PCDH10: variants seen among roughly 807,000 people sequenced by gnomAD.
The protein encoded by PCDH10 is protocadherin 10, also known as protocadherin-10.
In PCDH10, 15 loss-of-function variants were observed where a neutral mutation model predicts 74.4. The observed-to-expected ratio is 0.20, with a 90% confidence interval of 0.13 to 0.31. The LOEUF (loss-of-function observed/expected upper bound fraction) is 0.31, where lower values mean the gene tolerates loss of function less well. PCDH10 is among the 10% of genes least tolerant of loss of function. PCDH10 has a pLI of 1.00. For missense variants in PCDH10, 1,260 were observed against 1,390.2 expected (o/e 0.91, Z 1.49); for synonymous variants, 619 against 589.8 (o/e 1.05, Z -0.72).
chr4:133,200,077 C>T (rs1008399376), intron 2 of PCDH10, among the ~76,000 whole-genome samples: 1 of 151,662 alleles, frequency 6.6e-6, no homozygotes, highest in African/African-American at 2.4e-5. Flanking sequence ...GGATTACAGG[C>T]GTGAGCCACC....
chr4:133,202,286 A>G (rs563745866), intron 2 of PCDH10, among the ~76,000 whole-genome samples: 13 of 152,210 alleles, frequency 8.5e-5, no homozygotes, highest in Non-Finnish European at 1.8e-4. Flanking sequence ...CTATGGCAAT[A>G]CCAGGGGTTC....
rs1727651894 is a variant in PCDH10, at chr4:133,190,856, A to G, written c.*696A>G. On this transcript the variant is annotated 3_prime_UTR_variant, in exon 5 of 5. Coordinates refer to ENST00000264360, the MANE Select transcript of PCDH10 (RefSeq NM_032961.3). ...ACATCATACAATAAAATAAAAGGTA[A>G]TTCAGGGTCCCAAAGACAAACTTAC... 4 of 152,054 alleles carry G rather than the reference A, an allele frequency of 2.6e-5. No individual in the cohort carries two copies. 9.4% of individuals were successfully genotyped at this position (152,054 alleles called of 1,614,324 possible). A position where few individuals can be genotyped will look rare whatever the true frequency, so the allele number is the denominator to read the frequency against.
chr4:133,185,514 G>A (rs1727526966), intron 4 of PCDH10, among the ~76,000 whole-genome samples: 1 of 152,138 alleles, frequency 6.6e-6, no homozygotes, highest in Non-Finnish European at 1.5e-5. Context: ...CTTTAAAACT[G>A]TCCTGAAGTG....
chr4:133,186,375 C>A (rs1727541713), intron 4 of PCDH10, among the ~76,000 whole-genome samples: 1 of 152,070 alleles, frequency 6.6e-6, no homozygotes, highest in African/African-American at 2.4e-5. Flanking sequence ...GAAAATAAAA[C>A]CTCCCTATCT....
At chr4:133,176,738 CTTTG>C (rs1272000928) in intron 4 of PCDH10, among the ~76,000 whole-genome samples, 5 of 151,994 alleles carry the variant, frequency 3.3e-5, no homozygotes, top group African/African-American at 9.7e-5. Context: ...AAAGATTAAG[CTTTG>C]TTTGTTTCAT....
chr4:133,155,313 A>G (rs1031732798), intron 3 of PCDH10, among the ~76,000 whole-genome samples: 1 of 152,236 alleles, frequency 6.6e-6, no homozygotes, highest in Non-Finnish European at 1.5e-5. Flanking sequence ...ACAGAAAGAC[A>G]TAGCTCTCTC....
rs1486563434 is a variant in PCDH10 at position 133,194,574 on chromosome 4, T to C, written c.*4414T>C. 6.6e-6 allele frequency: 1 copy of C among 151,966 alleles called. No homozygotes were observed. Among genetic ancestry groups the C allele is most frequent in the Non-Finnish European group, 1.5e-5 (1 of 67,870 alleles). 9.4% of individuals were successfully genotyped at this position (151,966 alleles called of 1,614,324 possible). A position where few individuals can be genotyped will look rare whatever the true frequency, so the allele number is the denominator to read the frequency against. Reference sequence around the variant, plus strand: ...TGTAATAAATTATTTTATACTGCTGTATACATATGAAATAAATAAAACTAG... The same window carrying C: ...TGTAATAAATTATTTTATACTGCTGCATACATATGAAATAAATAAAACTAG... On this transcript the variant is annotated 3_prime_UTR_variant, in exon 5 of 5. Coordinates refer to ENST00000264360, the MANE Select transcript of PCDH10 (RefSeq NM_032961.3).
At chr4:133,166,212 A>G (rs1214408322) in intron 4 of PCDH10, among the ~76,000 whole-genome samples, 1 of 151,582 alleles carries the variant, frequency 6.6e-6, no homozygotes, top group African/African-American at 2.4e-5. Flanking sequence ...ACATGGCCAT[A>G]TATTCAGAAA....
At chr4:133,204,892 G>T (rs539067891) in intron 2 of PCDH10, among the ~76,000 whole-genome samples, 10 of 152,186 alleles carry the variant, frequency 6.6e-5, no homozygotes, top group Non-Finnish European at 1.5e-4. Flanking sequence ...ACTGCATTCT[G>T]CACAGGACCA....
rs138396564 is a variant in PCDH10, at chr4:133,151,694, C to G, written c.1554C>G (p.Ile518Met). 3 of 1,613,442 alleles carry G rather than the reference C, an allele frequency of 1.9e-6. No homozygotes were observed. The highest frequency in any genetic ancestry group is 2.5e-6 in the Non-Finnish European group (3 of 1,180,048). The change falls in exon 1 of 5, where the codon ATC (isoleucine) becomes ATG (methionine). Residue 518 changes from isoleucine to methionine, a missense_variant. Coordinates refer to ENST00000264360, the MANE Select transcript of PCDH10 (RefSeq NM_032961.3). The stretch of plus-strand genomic sequence containing the variant: ...TGAGCGTCTTCACCTACGTTTCTAT[C>G]AACTCTGAGAACGGCTACTTGTACG... ...QGMSVFTYVS[I>M]NSENGYLYAL... is the part of the protein sequence containing the mutation.
chr4:133,150,912 T>A lies in PCDH10; in HGVS notation c.772T>A (p.Ser258Thr). The A allele has an allele frequency of 1.2e-6, 2 of 1,613,566 alleles. No individual in the cohort carries two copies. Among genetic ancestry groups the A allele is most frequent in the Non-Finnish European group, 1.7e-6 (2 of 1,179,988 alleles). The part of the protein sequence containing the change: ...PAFDQPVYTV[S>T]LPENSPPGTL... ...TTTCGACCAACCCGTCTACACTGTG[T>A]CCCTACCAGAGAACTCTCCCCCAGG... is the stretch of plus-strand genomic sequence containing the variant. The change falls in exon 1 of 5, where the codon TCC becomes ACC. Residue 258 changes from serine (S) to threonine (T), a missense_variant. By Grantham distance (58) the Ser-to-Thr change is moderately conservative (BLOSUM62 1). Around this residue, in one of 11 missense-constraint regions of PCDH10, gnomAD observed 192 missense variants for 161.2 expected, o/e 1.19. Transcript: ENST00000264360.
chr4:133,150,170 C>G lies in PCDH10; in HGVS notation c.30C>G (p.Leu10=). 6.3e-7 allele frequency: 1 copy of G among 1,585,146 alleles called. No individual in the cohort carries two copies. Among genetic ancestry groups the G allele is most frequent in the Non-Finnish European group, 8.6e-7 (1 of 1,166,936 alleles). Residue 10 remains leucine (L), a synonymous_variant, in exon 1 of 5, where the codon CTC becomes CTG. Coordinates refer to ENST00000264360, the MANE Select transcript of PCDH10 (RefSeq NM_032961.3). ...TTGTGCTATTATTGTTTGCCTTGCT[C>G]TGGATGGTGGAAGGAGTCTTTTCCC... MIVLLLFAL[L]WMVEGVFSQL... is the part of the protein sequence containing the mutation.
chr4:133,165,217 A>G (rs189432317), intron 4 of PCDH10, among the ~76,000 whole-genome samples: 1 of 151,068 alleles, frequency 6.6e-6, no homozygotes, highest in East Asian at 1.9e-4. Flanking sequence ...CCTGTGGTGG[A>G]AAATTTGCAG....
chr4:133,154,729 A>T (rs1423191010), intron 2 of PCDH10, among the ~76,000 whole-genome samples, 188 bp from the exon 3 acceptor site: 3 of 152,224 alleles, frequency 2.0e-5, no homozygotes, highest in Admixed American at 1.3e-4. Context: ...TAAGTGCTCA[A>T]AATGACTGTT....
chr4:133,170,634 A>G lies in PCDH10; in HGVS notation c.3103+7352A>G, dbSNP rs1727183352. Reference sequence around the variant, plus strand: ...TATTATCAGAAGCTGTTAACATGACAGTATGGTGCTTGTTGAGAAACAGAT... The same window carrying G: ...TATTATCAGAAGCTGTTAACATGACGGTATGGTGCTTGTTGAGAAACAGAT... On this transcript the variant is annotated intron_variant, in intron 4 of 4. Transcript: ENST00000264360. Among the ~76,000 whole-genome samples, 4 of 152,242 alleles carry G rather than the reference A, an allele frequency of 2.6e-5. 1 individual carries two copies. The South Asian group carries it at 8.3e-4, about 32-fold the overall frequency.
At chr4:133,160,712 G>T (rs1726952202) in intron 3 of PCDH10, among the ~76,000 whole-genome samples, 1 of 150,984 alleles carries the variant, frequency 6.6e-6, no homozygotes, top group African/African-American at 2.4e-5. Flanking sequence ...AAAAATATGT[G>T]AAAGGTTGTA....
Position 133,194,058 on chromosome 4 carries a change from G to A in PCDH10, c.*3898G>A, listed in dbSNP as rs979723388. 4 of 151,606 alleles carry A rather than the reference G, an allele frequency of 2.6e-5. No homozygotes were observed. Among genetic ancestry groups the A allele is most frequent in the African/African-American group, 9.7e-5 (4 of 41,352 alleles). The allele number at this position is 151,606 out of a possible 1,614,324, so 9.4% of individuals were successfully genotyped here. A position where few individuals can be genotyped will look rare whatever the true frequency, so the allele number is the denominator to read the frequency against. On this transcript the variant is annotated 3_prime_UTR_variant, in exon 5 of 5. Transcript: ENST00000264360. ...AGAGTATTCTTTTCTTCAAATCTTG[G>A]CATAGGTTTTAGATTATAGCATTCT...
At chr4:133,182,327 A>G (rs2125870692) in intron 4 of PCDH10, among the ~76,000 whole-genome samples, 1 of 152,132 alleles carries the variant, frequency 6.6e-6, no homozygotes, top group Admixed American at 6.6e-5. Context: ...AAGTGTCTAA[A>G]TGTCACTAAA....
chr4:133,152,200 G>A lies in PCDH10; in HGVS notation c.2060G>A (p.Gly687Asp), dbSNP rs747820083. 2 of 1,582,016 alleles carry A rather than the reference G, an allele frequency of 1.3e-6. No individual in the cohort carries two copies. Among genetic ancestry groups the A allele is most frequent in the East Asian group, 2.2e-5 (1 of 44,586 alleles). ...GTGGATGGCGCCGTGGAGCCCCAGG[G>A]CGGGGGCGGGAGCGGAGGCGGAGGG... The part of the protein sequence containing the change: ...QLVDGAVEPQ[G>D]GGGSGGGGSG... Residue 687 changes from glycine (G) to aspartate (D), a missense_variant, in exon 1 of 5, where the codon GGC becomes GAC. Coordinates refer to ENST00000264360, the MANE Select transcript of PCDH10 (RefSeq NM_032961.3).
Sources: gnomAD v4.1 joint callset for allele counts (sites outside exome capture counted in the v4.1 genomes callset) on GRCh38, gnomAD v4.1.1 for gene constraint, gnomAD v4.1.1 regional missense constraint, MANE v1.5 for transcripts, NCBI Gene and HGNC (gene_info 2026-07-23, HGNC 2026-07-21) for gene names.